The following PCNX2 variants were observed in gnomAD, a reference collection of about 807,000 sequenced individuals.
PCNX2 encodes pecanex 2.
PCNX2 carries 168 observed loss-of-function variants against 223.8 expected under a neutral mutation model. That is an observed-to-expected ratio of 0.75 (90% confidence interval 0.66 to 0.85). PCNX2 has a LOEUF of 0.85. PCNX2 is among the 40% of genes least tolerant of loss of function. PCNX2 has a pLI of 0.00. For synonymous variants in PCNX2, 1,006 were observed against 1,052.6 expected (o/e 0.96, Z 0.86); for missense variants, 2,507 against 2,675.5 (o/e 0.94, Z 1.39).
chr1:233,135,925 T>C (rs1459929497), intron 20 of PCNX2, among the ~76,000 whole-genome samples: 1 of 152,218 alleles, frequency 6.6e-6, no homozygotes, highest in East Asian at 1.9e-4. Flanking sequence ...TTCTAGGATT[T>C]TGCTTTGAGG....
chr1:233,192,985 ATT>A (rs1358833767), intron 15 of PCNX2, among the ~76,000 whole-genome samples: 1 of 147,946 alleles, frequency 6.8e-6, no homozygotes, highest in Non-Finnish European at 1.5e-5. Flanking sequence ...TGCATTTATT[ATT>A]TAGACTTATA....
rs1192403583 is a variant in PCNX2 at position 233,058,155 on chromosome 1, A to G, written c.4077-865T>C. The G allele has an allele frequency of 4.2e-6, 3 of 713,552 alleles. No homozygotes were observed. The African/African-American group carries it at 5.9e-5, about 14-fold the overall frequency. 44.2% of individuals were successfully genotyped at this position (713,552 alleles called of 1,614,324 possible). The stretch of plus-strand genomic sequence containing the variant: ...CCTCAGTGCACAGCTTTTGTAAGGC[A>G]GCCAGTCCATGACAACCCCTGGCTT... On this transcript the variant is annotated intron_variant, in intron 23 of 33. Coordinates refer to ENST00000258229, the MANE Select transcript of PCNX2 (RefSeq NM_014801.4).
rs187627796 is a variant in PCNX2, at chr1:233,215,944, T to C, written c.2691+1955A>G. On this transcript the variant is annotated intron_variant, in intron 12 of 33. Transcript: ENST00000258229. ...ACAGAGGAATTTAACAAGATAGCAA[T>C]GTATGCCATGTGATCGTCCAATTAT... Among the ~76,000 whole-genome samples, 1,157 of 152,330 alleles carry C rather than the reference T, an allele frequency of 7.6e-3. 10 individuals carry two copies. Among genetic ancestry groups the C allele is most frequent in the Admixed American group, 0.014 (212 of 15,298 alleles).
chr1:233,167,808 G>C, intron 17 of PCNX2: 5 of 980,922 alleles, frequency 5.1e-6, no homozygotes, highest in Non-Finnish European at 6.1e-6. Flanking sequence ...TAAAAAGTTT[G>C]TAACTTTGGT....
intron 21 of PCNX2, among the ~76,000 whole-genome samples, chr1:233,132,960 G>A (rs1030921081): frequency 2.0e-5 from 3 of 146,832 alleles, no homozygotes; most frequent in Admixed American, 1.4e-4. Flanking sequence ...GTGCAGTGGC[G>A]CAATCTCGGC....
intron 19 of PCNX2, 66 bp downstream of exon 19, chr1:233,160,217 C>T (rs1256778861): frequency 4.6e-6 from 7 of 1,514,114 alleles, no homozygotes; most frequent in East Asian, 2.3e-5. Context: ...GTTGCACATG[C>T]TCTCCGGTTT....
At chr1:233,231,032 T>C (rs1175558756) in intron 9 of PCNX2, among the ~76,000 whole-genome samples, 1 of 152,176 alleles carries the variant, frequency 6.6e-6, no homozygotes. Flanking sequence ...AATTTTGCCA[T>C]ATATTATCTC....
At chr1:233,094,641 GTA>G (rs1442414557) in intron 22 of PCNX2, among the ~76,000 whole-genome samples, 7 of 152,208 alleles carry the variant, frequency 4.6e-5, no homozygotes, top group African/African-American at 1.7e-4. Context: ...ATTATCCTAA[GTA>G]TGTTTCCATT....
At chr1:233,067,151 T>G (rs151324902) in intron 23 of PCNX2, among the ~76,000 whole-genome samples, 1 of 151,870 alleles carries the variant, frequency 6.6e-6, no homozygotes, top group East Asian at 1.9e-4. Context: ...CAGAGGCTCA[T>G]AATACATAAT....
At chr1:233,024,345 G>T (rs766812021) in intron 26 of PCNX2, among the ~76,000 whole-genome samples, 122 of 152,298 alleles carry the variant, frequency 8.0e-4, no homozygotes, top group Non-Finnish European at 1.2e-3. Context: ...GGGCCTTGTG[G>T]CCTCCGACGG....
intron 13 of PCNX2, among the ~76,000 whole-genome samples, chr1:233,200,590 C>T (rs1326933435): frequency 6.6e-6 from 1 of 151,810 alleles, no homozygotes; most frequent in Non-Finnish European, 1.5e-5. Context: ...AAGGAACGCA[C>T]ACAAGGCCAG....
At chr1:233,289,398 T>C in intron 1 of PCNX2, 1 of 1,402,418 alleles carries the variant, frequency 7.1e-7, no homozygotes, top group African/African-American at 1.4e-5. Context: ...CTCGAACTCG[T>C]CCGGCTTCTC....
chr1:233,232,724 T>C (rs563160589), intron 9 of PCNX2: 5 of 779,134 alleles, frequency 6.4e-6, no homozygotes, highest in South Asian at 5.9e-5. Flanking sequence ...GTTTTAATGA[T>C]AGTAAATTGT....
At chr1:233,203,266 T>C (rs1024660410) in intron 13 of PCNX2, among the ~76,000 whole-genome samples, 1 of 152,186 alleles carries the variant, frequency 6.6e-6, no homozygotes, top group Non-Finnish European at 1.5e-5. Flanking sequence ...CAGACACCTT[T>C]TGGCTTTCTC....
rs780880941 is a variant in PCNX2 at position 233,001,609 on chromosome 1, C to T, written c.5025G>A (p.Trp1675Ter). ...GDFRITARDE[W>*]VFADMDLLHK... ...GCAGTAGGTCCATGTCAGCAAATAC[C>T]CACTCGTCACGTGCTGTTATTCTGA... The change falls in exon 29 of 34, where the codon TGG (tryptophan) becomes TGA (stop). Residue 1675 changes from tryptophan to a stop codon, truncating the protein, a stop_gained. Transcript: ENST00000258229. LOFTEE classifies it high-confidence loss of function. This position sits in a 1 kb window ranked among gnomAD's most constrained non-coding sequence, Gnocchi z 4.2. 18 of 1,581,412 alleles carry T rather than the reference C, an allele frequency of 1.1e-5. No homozygotes were observed. The highest frequency in any genetic ancestry group is 1.5e-5 in the Non-Finnish European group (18 of 1,161,980).
chr1:233,286,735 A>G (rs1170866494), intron 1 of PCNX2, among the ~76,000 whole-genome samples: 1 of 152,096 alleles, frequency 6.6e-6, no homozygotes, highest in Non-Finnish European at 1.5e-5. Flanking sequence ...AGAATCAACT[A>G]GGAACACGTG....
intron 25 of PCNX2, among the ~76,000 whole-genome samples, chr1:233,038,718 A>G (rs1422916341): frequency 1.3e-5 from 2 of 152,242 alleles, no homozygotes; most frequent in African/African-American, 4.8e-5. Flanking sequence ...AATTCTAGAT[A>G]ACTCCAAGAT....
chr1:233,289,481 CT>C, intron 1 of PCNX2: 1 of 922,440 alleles, frequency 1.1e-6, no homozygotes, highest in Non-Finnish European at 1.8e-6. Context: ...CGAGCGCCGG[CT>C]TAGGAAGAGC....
chr1:233,256,357 A>C (rs1355343120), intron 5 of PCNX2, among the ~76,000 whole-genome samples: 2 of 152,218 alleles, frequency 1.3e-5, no homozygotes, highest in African/African-American at 4.8e-5. Context: ...TCTGTAGAAG[A>C]AACTCCAACA....
Sources: gnomAD v4.1 joint callset for allele counts (sites outside exome capture counted in the v4.1 genomes callset) on GRCh38, gnomAD v4.1.1 for gene constraint, Gnocchi (gnomAD v3.1) non-coding constraint, MANE v1.5 for transcripts, NCBI Gene and HGNC (gene_info 2026-07-23, HGNC 2026-07-21) for gene names.